The following PERP variants were observed in gnomAD, a reference collection of about 807,000 sequenced individuals.
The protein encoded by PERP is p53 apoptosis effector related to PMP-22.
A neutral mutation model predicts 20.3 loss-of-function variants in PERP; 11 were observed. The ratio of observed to expected loss-of-function variants is 0.54; its 90% CI spans 0.34 to 0.90. PERP has a LOEUF of 0.90. Ranked by LOEUF, PERP falls within the 40% of genes least tolerant of loss-of-function variation. The probability of loss-of-function intolerance (pLI) is 0.02; values close to 1 mark genes in which losing one functional copy is unlikely to be tolerated. For synonymous variants in PERP, 101 were observed against 102.0 expected, an observed-to-expected ratio of 0.99 and a Z score of 0.06; for missense variants, 224 against 249.4, an observed-to-expected ratio of 0.90 and a Z score of 0.69.
At chr6:138,100,935 A>G (rs564121211) in intron 1 of PERP, among the ~76,000 whole-genome samples, 101 of 152,364 alleles carry the variant, frequency 6.6e-4, no homozygotes, top group Middle Eastern at 6.8e-3. Flanking sequence ...AGTTTTTCCT[A>G]GGACGTGTTT....
At position 138,107,419 on chromosome 6, in the gene PERP, T is replaced by A. The variant is rs1464133895; in HGVS notation, c.-79A>T. On this transcript the variant is annotated 5_prime_UTR_variant, in exon 1 of 3. Coordinates refer to ENST00000421351, the MANE Select transcript of PERP (RefSeq NM_022121.5). This position sits in a 1 kb window ranked among gnomAD's most constrained non-coding sequence, Gnocchi z 4.8. ...GCGCGGGACGGGCGACAGCAGAGAG[T>A]GGCCTGCGAGCGCGGGCGCCGCCAC... 2.5e-6 allele frequency: 3 copies of A among 1,190,278 alleles called. No individual in the cohort carries two copies. The highest frequency in any genetic ancestry group is 3.2e-6 in the Non-Finnish European group (3 of 928,340). 73.7% of individuals were successfully genotyped at this position (1,190,278 alleles called of 1,614,324 possible). A position where few individuals can be genotyped will look rare whatever the true frequency, so the allele number is the denominator to read the frequency against.
At chr6:138,104,560 C>T (rs77106844) in intron 1 of PERP, among the ~76,000 whole-genome samples, 1 of 152,042 alleles carries the variant, frequency 6.6e-6, no homozygotes, top group Non-Finnish European at 1.5e-5. Context: ...TCTTTACTAC[C>T]AAAATGAACA....
intron 1 of PERP, among the ~76,000 whole-genome samples, chr6:138,103,977 T>C (rs1447429644): frequency 1.3e-5 from 2 of 152,202 alleles, no homozygotes; most frequent in Admixed American, 1.3e-4. Context: ...GGCTTTGTAC[T>C]TCCCAGTTTG....
chr6:138,091,957 T>G lies in PERP; in HGVS notation c.*85A>C. 7.9e-7 allele frequency: 1 copy of G among 1,259,376 alleles called. No homozygotes were observed. The highest frequency in any genetic ancestry group is 1.1e-6 in the Non-Finnish European group (1 of 909,502). The allele number at this position is 1,259,376 out of a possible 1,614,324, so 78.0% of individuals were successfully genotyped here. A position where few individuals can be genotyped will look rare whatever the true frequency, so the allele number is the denominator to read the frequency against. On this transcript the variant is annotated 3_prime_UTR_variant, in exon 3 of 3. Transcript: ENST00000421351. ...TAATAATATGAACACTGCCAAAAAA[T>G]GGGTTCAAAGTCGCCTGGAGAAACA...
At chr6:138,103,109 G>A (rs1257205582) in intron 1 of PERP, among the ~76,000 whole-genome samples, 3 of 133,886 alleles carry the variant, frequency 2.2e-5, no homozygotes, top group Non-Finnish European at 4.8e-5. Context: ...AAAAAAAAAA[G>A]AGTAATCTGT....
Position 138,107,072 on chromosome 6 carries a change from C to A in PERP, c.214+55G>T. On this transcript the variant is annotated intron_variant, in intron 1 of 2. Transcript: ENST00000421351. The surrounding 1 kb of genome is among the most constrained non-coding windows in gnomAD (Gnocchi z 4.8). ...CATCACGCGCGGCGGCTTTTGCAGGCCGCGGCCCCGAGGGCTTCCTGGAGG... is the reference window on the plus strand; with the variant it reads ...CATCACGCGCGGCGGCTTTTGCAGGACGCGGCCCCGAGGGCTTCCTGGAGG... 6.5e-7 allele frequency: 1 copy of A among 1,535,196 alleles called. No homozygotes were observed. The highest frequency in any genetic ancestry group is 8.8e-7 in the Non-Finnish European group (1 of 1,142,820).
chr6:138,102,469 C>T (rs1775788991), intron 1 of PERP, among the ~76,000 whole-genome samples: 1 of 152,190 alleles, frequency 6.6e-6, no homozygotes, highest in Non-Finnish European at 1.5e-5. Context: ...AGGGACGAAG[C>T]TTAGTCAGGG....
At position 138,102,340 on chromosome 6, in the gene PERP, TA is replaced by T. The variant is rs1169677316; in HGVS notation, c.214+4786del. ...AGTGAATTTGGGGTCTACCCTCAAA[TA>T]TTTGAACATGTGTCAATGAAAGAAA... On this transcript the variant is annotated intron_variant, in intron 1 of 2. Transcript: ENST00000421351. Among the ~76,000 whole-genome samples the T allele has an allele frequency of 5.9e-5, 9 of 152,366 alleles. No individual in the cohort carries two copies. The South Asian group carries it at 1.7e-3, about 28-fold the overall frequency.
intron 2 of PERP, among the ~76,000 whole-genome samples, chr6:138,093,935 A>G (rs1775633049): frequency 6.6e-6 from 1 of 152,104 alleles, no homozygotes; most frequent in South Asian, 2.1e-4. Flanking sequence ...TGAGTATTAA[A>G]TTACAAAATG....
chr6:138,096,219 T>C (rs1242621730), intron 2 of PERP, 135 bp downstream of exon 2: 1 of 1,163,178 alleles, frequency 8.6e-7, no homozygotes, highest in Non-Finnish European at 1.2e-6. Context: ...CCTCTGTTAC[T>C]TCTGCCCTGG....
At chr6:138,094,415 C>A (rs1235642143) in intron 2 of PERP, among the ~76,000 whole-genome samples, 1 of 151,690 alleles carries the variant, frequency 6.6e-6, no homozygotes, top group Non-Finnish European at 1.5e-5. Context: ...TGGCTTATTT[C>A]ACTTAGCATA....
intron 1 of PERP, among the ~76,000 whole-genome samples, chr6:138,103,078 G>A (rs930961095): frequency 1.2e-4 from 17 of 144,590 alleles, no homozygotes; most frequent in African/African-American, 4.4e-4. Context: ...CAGCCTGCGC[G>A]ACAGACCGAG....
Position 138,094,283 on chromosome 6 carries a change from A to G in PERP, c.356-2015T>C, listed in dbSNP as rs139507942. On this transcript the variant is annotated intron_variant, in intron 2 of 2. Coordinates refer to ENST00000421351, the MANE Select transcript of PERP (RefSeq NM_022121.5). Reference sequence around the variant, plus strand: ...ACATAAACTCAGTATCTCTTAAAAAATAACTCCCCATTCTTCCCTCCCCCC... The same window carrying G: ...ACATAAACTCAGTATCTCTTAAAAAGTAACTCCCCATTCTTCCCTCCCCCC... Among the ~76,000 whole-genome samples, 329 of 152,014 alleles carry G rather than the reference A, an allele frequency of 2.2e-3. 1 individual carries two copies. Among genetic ancestry groups the G allele is most frequent in the African/African-American group, 7.2e-3 (298 of 41,336 alleles).
chr6:138,095,952 A>G (rs1775682648), intron 2 of PERP, among the ~76,000 whole-genome samples: 1 of 152,150 alleles, frequency 6.6e-6, no homozygotes. Flanking sequence ...GCCTCTTTCA[A>G]CAAGGGAAAT....
Position 138,096,437 on chromosome 6 carries a change from C to CAGAT in PERP, c.268_271dup (p.Cys91TyrfsTer61). On this transcript the variant is annotated frameshift_variant, in exon 2 of 3. Transcript: ENST00000421351. LOFTEE classifies it high-confidence loss of function. ...GAGGGCGAAGAAGGAGAGGATGAAA[C>CAGAT]AGATCACCAGGATGATGAAGCCACA... 1 of 1,613,998 alleles carries CAGAT rather than the reference C, an allele frequency of 6.2e-7. No homozygotes were observed. The highest frequency in any genetic ancestry group is 8.5e-7 in the Non-Finnish European group (1 of 1,179,960).
chr6:138,097,205 T>C (rs1180855866), intron 1 of PERP, among the ~76,000 whole-genome samples: 1 of 152,224 alleles, frequency 6.6e-6, no homozygotes, highest in Admixed American at 6.5e-5. Flanking sequence ...GAATCAGGAT[T>C]TGATGGCAAT....
intron 1 of PERP, among the ~76,000 whole-genome samples, chr6:138,105,860 G>C (rs75604586): frequency 0.074 from 11,333 of 152,256 alleles, 577 homozygotes; most frequent in Middle Eastern, 0.17. Flanking sequence ...ATACAAACCT[G>C]AGCTGGCACA....
chr6:138,098,053 G>A (rs1004854442), intron 1 of PERP, among the ~76,000 whole-genome samples: 2 of 152,156 alleles, frequency 1.3e-5, no homozygotes, highest in Non-Finnish European at 2.9e-5. Context: ...GATGCGGTTT[G>A]TCATGTTATA....
At chr6:138,102,860 G>A (rs914434964) in intron 1 of PERP, among the ~76,000 whole-genome samples, 2 of 152,020 alleles carry the variant, frequency 1.3e-5, no homozygotes, top group African/African-American at 4.8e-5. Context: ...AGCACTTTGG[G>A]AGGCCGAGGT....
Sources: gnomAD v4.1 joint callset for allele counts (sites outside exome capture counted in the v4.1 genomes callset) on GRCh38, gnomAD v4.1.1 for gene constraint, Gnocchi (gnomAD v3.1) non-coding constraint, MANE v1.5 for transcripts, NCBI Gene and HGNC (gene_info 2026-07-23, HGNC 2026-07-21) for gene names.